SH3RF3: variants seen among roughly 807,000 people sequenced by gnomAD.
SH3RF3 encodes SH3 domain containing ring finger 3.
SH3RF3 carries 29 observed loss-of-function variants against 66.3 expected under a neutral mutation model. The ratio of observed to expected loss-of-function variants is 0.44; its 90% confidence interval spans 0.33 to 0.60. The LOEUF (loss-of-function observed/expected upper bound fraction) is 0.60. Ranked by LOEUF, SH3RF3 falls within the 20% of genes least tolerant of loss-of-function variation. SH3RF3 has a pLI of 0.04. For synonymous variants in SH3RF3, 583 were observed against 532.0 expected, an observed-to-expected ratio of 1.10 and a Z score of -1.32; for missense variants, 1,194 against 1,190.9, an observed-to-expected ratio of 1.00 and a Z score of -0.04.
At position 109,266,878 on chromosome 2, in the gene SH3RF3, G is replaced by A. The variant is rs550197446; in HGVS notation, c.574-80796G>A. On this transcript the variant is annotated intron_variant, in intron 1 of 9. Coordinates refer to ENST00000309415, the MANE Select transcript of SH3RF3 (RefSeq NM_001099289.3). ...GAGCTGGAGACCACTGCTGCAGACC[G>A]CCTCCCACTAAGGACAAGCTGATGT... Among the ~76,000 whole-genome samples the A allele has an allele frequency of 1.1e-3, 163 of 152,294 alleles. 1 individual carries two copies. The highest frequency in any genetic ancestry group is 3.7e-3 in the African/African-American group (154 of 41,564).
intron 1 of SH3RF3, among the ~76,000 whole-genome samples, chr2:109,150,445 A>C (rs1416741255): frequency 6.6e-6 from 1 of 152,200 alleles, no homozygotes; most frequent in African/African-American, 2.4e-5. Context: ...TCATTATTTC[A>C]CTTAAAAAAC....
intron 1 of SH3RF3, among the ~76,000 whole-genome samples, chr2:109,300,764 G>T (rs1039893314): frequency 2.0e-5 from 3 of 152,174 alleles, no homozygotes; most frequent in Non-Finnish European, 4.4e-5. Flanking sequence ...CTTCATGTGG[G>T]TTGGGCTCCA....
intron 1 of SH3RF3, among the ~76,000 whole-genome samples, chr2:109,324,547 C>G (rs970098836): frequency 2.6e-5 from 4 of 152,186 alleles, no homozygotes; most frequent in Non-Finnish European, 5.9e-5. Context: ...AAAGTTACAA[C>G]TGTCATCTTA....
chr2:109,147,579 C>T (rs1677129539), intron 1 of SH3RF3, among the ~76,000 whole-genome samples: 1 of 152,270 alleles, frequency 6.6e-6, no homozygotes, highest in African/African-American at 2.4e-5. Context: ...GAGGCCTAGT[C>T]AATTATTCAG....
chr2:109,419,472 T>C, intron 4 of SH3RF3, 67 bp from the exon 5 acceptor site: 1 of 1,490,094 alleles, frequency 6.7e-7, no homozygotes, highest in Non-Finnish European at 9.1e-7. Flanking sequence ...AGCCTCATTT[T>C]GCTTTTCTCT....
At chr2:109,436,771 C>T in intron 6 of SH3RF3, 122 bp from the exon 7 acceptor site, 1 of 1,427,542 alleles carries the variant, frequency 7.0e-7, no homozygotes, top group East Asian at 2.5e-5. Flanking sequence ...GGACCTCGTC[C>T]CCAGATCAGT....
Position 109,134,740 on chromosome 2 carries a change from G to A in SH3RF3, c.573+4627G>A, listed in dbSNP as rs576496416. Among the ~76,000 whole-genome samples the A allele has an allele frequency of 7.2e-5, 11 of 152,142 alleles. No individual in the cohort carries two copies. The East Asian group carries it at 7.7e-4, about 11-fold the overall frequency. ...TCTTACTCTACCACAGGCTCAGCTC[G>A]TTGGTAGCACGATTCTAAACATAAG... is the stretch of plus-strand genomic sequence containing the variant. On this transcript the variant is annotated intron_variant, in intron 1 of 9. Coordinates refer to ENST00000309415, the MANE Select transcript of SH3RF3 (RefSeq NM_001099289.3).
At chr2:109,177,192 C>T (rs1371978237) in intron 1 of SH3RF3, among the ~76,000 whole-genome samples, 1 of 152,190 alleles carries the variant, frequency 6.6e-6, no homozygotes, top group Non-Finnish European at 1.5e-5. Flanking sequence ...ATAAGGGGGA[C>T]TGTGTTTTCA....
At chr2:109,473,130 A>G (rs1046152047) in intron 8 of SH3RF3, among the ~76,000 whole-genome samples, 1 of 152,248 alleles carries the variant, frequency 6.6e-6, no homozygotes, top group African/African-American at 2.4e-5. Context: ...CCCCTCATTT[A>G]ACAGCATTAA....
rs147890022 is a variant in SH3RF3 at position 109,191,566 on chromosome 2, A to C, written c.573+61453A>C. On this transcript the variant is annotated intron_variant, in intron 1 of 9. Transcript: ENST00000309415. ...CTGCTCAGGCTTGACGCTGCCTCCCACATTATGTGACTTGAGGGGCAGGCA... is the reference window on the plus strand; with the variant it reads ...CTGCTCAGGCTTGACGCTGCCTCCCCCATTATGTGACTTGAGGGGCAGGCA... Among the ~76,000 whole-genome samples the C allele has an allele frequency of 2.6e-5, 4 of 152,324 alleles. No individual in the cohort carries two copies. In the East Asian group the frequency reaches 7.7e-4, roughly 29 times the overall value.
Position 109,129,466 on chromosome 2 carries a change from T to C in SH3RF3, c.-75T>C, listed in dbSNP as rs1425295689. 1 of 1,494,202 alleles carries C rather than the reference T, an allele frequency of 6.7e-7. No individual in the cohort carries two copies. The highest frequency in any genetic ancestry group is 2.1e-5 in the Admixed American group (1 of 47,752). The allele number at this position is 1,494,202 out of a possible 1,614,324, so 92.6% of individuals were successfully genotyped here. A position where few individuals can be genotyped will look rare whatever the true frequency, so the allele number is the denominator to read the frequency against. ...GAGCCCGGCTCCCCAGTCCTGATGC[T>C]GGCTGCCGGTGGCGGGCTCCACGCC... On this transcript the variant is annotated 5_prime_UTR_variant, in exon 1 of 10. Transcript: ENST00000309415.
Position 109,502,546 on chromosome 2 carries a change from G to A in SH3RF3, c.*875G>A, listed in dbSNP as rs72627486. The A allele has an allele frequency of 0.041, 6,288 of 152,198 alleles. 227 individuals carry two copies. The highest frequency in any genetic ancestry group is 0.2 in the East Asian group (1,008 of 5,158). 9.4% of individuals were successfully genotyped at this position (152,198 alleles called of 1,614,324 possible). ...AGAAGCCGCCATCCCGCACCTCAGC[G>A]CTGGCCAGTACTCTGGGGGCTGGCG... On this transcript the variant is annotated 3_prime_UTR_variant, in exon 10 of 10. Coordinates refer to ENST00000309415, the MANE Select transcript of SH3RF3 (RefSeq NM_001099289.3).
chr2:109,282,853 G>A (rs1214786146), intron 1 of SH3RF3, among the ~76,000 whole-genome samples: 1 of 152,182 alleles, frequency 6.6e-6, no homozygotes, highest in Non-Finnish European at 1.5e-5. Context: ...TGGTCCTCCT[G>A]TGAGGAGAGG....
intron 1 of SH3RF3, among the ~76,000 whole-genome samples, chr2:109,242,960 G>A (rs1679821595): frequency 6.6e-6 from 1 of 152,242 alleles, no homozygotes; most frequent in Non-Finnish European, 1.5e-5. Context: ...CTCTGTGTGA[G>A]GCTGAGTCGG....
At chr2:109,427,590 G>A (rs1204474896) in intron 5 of SH3RF3, among the ~76,000 whole-genome samples, 1 of 152,144 alleles carries the variant, frequency 6.6e-6, no homozygotes, top group East Asian at 1.9e-4. Flanking sequence ...CACACTTCGG[G>A]AGTCCCTGCA....
At chr2:109,398,068 A>G (rs1218499970) in intron 3 of SH3RF3, among the ~76,000 whole-genome samples, 3 of 152,166 alleles carry the variant, frequency 2.0e-5, no homozygotes, top group Non-Finnish European at 4.4e-5. Context: ...TCTGTGGTTT[A>G]TGCTGACCAG....
chr2:109,153,186 C>A (rs889033760), intron 1 of SH3RF3, among the ~76,000 whole-genome samples: 1 of 152,166 alleles, frequency 6.6e-6, no homozygotes, highest in Non-Finnish European at 1.5e-5. Context: ...TGCACTGCAG[C>A]GTTCTGCTAA....
At chr2:109,486,055 A>G (rs899802147) in intron 8 of SH3RF3, among the ~76,000 whole-genome samples, 1 of 152,134 alleles carries the variant, frequency 6.6e-6, no homozygotes, top group African/African-American at 2.4e-5. Flanking sequence ...CTTTCAACCC[A>G]TGTGTGTCCC....
chr2:109,325,969 G>A (rs1452328939), intron 1 of SH3RF3, among the ~76,000 whole-genome samples: 3 of 152,164 alleles, frequency 2.0e-5, no homozygotes, highest in Admixed American at 6.5e-5. Flanking sequence ...GAACCGTAAC[G>A]TATATGTCAT....
Sources: allele counts gnomAD v4.1 joint callset (sites outside exome capture counted in the v4.1 genomes callset), GRCh38; gene constraint gnomAD v4.1.1; transcripts MANE v1.5; gene names NCBI Gene and HGNC (gene_info 2026-07-23, HGNC 2026-07-21).